The following SPECC1 variants were observed in gnomAD, a reference collection of about 807,000 sequenced individuals.
SPECC1 encodes sperm antigen with calponin homology and coiled-coil domains 1, also known as cytospin-B.
SPECC1 carries 62 observed loss-of-function variants against 104.1 expected under a neutral mutation model. The ratio of observed to expected loss-of-function variants is 0.60; its 90% CI spans 0.49 to 0.74. The LOEUF is 0.74. Ranked by LOEUF, SPECC1 falls within the 30% of genes least tolerant of loss-of-function variation. SPECC1 has a pLI of 0.00. For missense variants in SPECC1, 1,306 were observed against 1,310.5 expected (o/e 1.00, Z 0.05); for synonymous variants, 513 against 501.6 (o/e 1.02, Z -0.30).
At chr17:20,155,100 A>G (rs1477005597) in intron 3 of SPECC1, among the ~76,000 whole-genome samples, 1 of 152,192 alleles carries the variant, frequency 6.6e-6, no homozygotes, top group Non-Finnish European at 1.5e-5. Flanking sequence ...ATCAAAGACC[A>G]AGAGAGTATA....
chr17:20,034,095 C>CTTT (rs34012755), intron 1 of SPECC1, among the ~76,000 whole-genome samples: 6 of 144,840 alleles, frequency 4.1e-5, no homozygotes, highest in Non-Finnish European at 3.0e-5. Flanking sequence ...GTTTGATATT[C>CTTT]TTTTTTTTTT....
intron 3 of SPECC1, among the ~76,000 whole-genome samples, chr17:20,177,117 A>G (rs1460919085): frequency 6.6e-6 from 1 of 152,172 alleles, no homozygotes; most frequent in Non-Finnish European, 1.5e-5. Context: ...GAGGCCAGGG[A>G]AGTTTGGAAG....
At chr17:20,021,701 TA>T (rs200650282) in intron 1 of SPECC1, among the ~76,000 whole-genome samples, 9,431 of 94,466 alleles carry the variant, frequency 0.1, 391 homozygotes, top group Admixed American at 0.17. Context: ...TATATATATA[TA>T]TTTTTTTGTA....
At chr17:20,254,157 G>GTGTGTGTGTGTC (rs1384004841) in intron 10 of SPECC1, among the ~76,000 whole-genome samples, 1 of 151,622 alleles carries the variant, frequency 6.6e-6, no homozygotes, top group Non-Finnish European at 1.5e-5. Flanking sequence ...GTGTGTGTGT[G>GTGTGTGTGTGTC]TGTGTGTGTG....
intron 3 of SPECC1, among the ~76,000 whole-genome samples, chr17:20,156,470 C>A (rs954007644): frequency 6.6e-6 from 1 of 152,298 alleles, no homozygotes; most frequent in South Asian, 2.1e-4. Flanking sequence ...CCGGGGCCGC[C>A]GGGCAGGCAC....
At chr17:20,056,469 A>C (rs1390845824) in intron 1 of SPECC1, 1 of 205,920 alleles carries the variant, frequency 4.9e-6, no homozygotes, top group Non-Finnish European at 1.1e-5. Flanking sequence ...CCGCGATGAT[A>C]TGTGCAGAAA....
intron 9 of SPECC1, among the ~76,000 whole-genome samples, chr17:20,247,904 G>A (rs1248422225): frequency 6.6e-6 from 1 of 152,212 alleles, no homozygotes; most frequent in African/African-American, 2.4e-5. Flanking sequence ...GCTGGAGAAA[G>A]GTCTAGGCTG....
intron 12 of SPECC1, among the ~76,000 whole-genome samples, chr17:20,296,643 C>T (rs917325669): frequency 1.1e-4 from 17 of 152,136 alleles, no homozygotes; most frequent in African/African-American, 3.9e-4. Flanking sequence ...TTGATTCTTC[C>T]TATCCATGAG....
At chr17:20,218,459 G>A (rs1416203396) in intron 4 of SPECC1, among the ~76,000 whole-genome samples, 2 of 152,120 alleles carry the variant, frequency 1.3e-5, no homozygotes, top group East Asian at 3.8e-4. Context: ...AACCTGCAAT[G>A]ATCTATTTTG....
chr17:20,227,003 G>A (rs949650027), intron 4 of SPECC1, among the ~76,000 whole-genome samples: 3 of 150,830 alleles, frequency 2.0e-5, no homozygotes, highest in African/African-American at 7.4e-5. Context: ...CAGGGCCAGT[G>A]CCTCCCAGGG....
intron 3 of SPECC1, among the ~76,000 whole-genome samples, chr17:20,128,040 C>T (rs1289769140): frequency 6.6e-6 from 1 of 152,070 alleles, no homozygotes; most frequent in East Asian, 1.9e-4. Context: ...TAATGCTGTA[C>T]CTATAATGTA....
intron 2 of SPECC1, among the ~76,000 whole-genome samples, chr17:20,105,388 A>T (rs1342694200): frequency 6.6e-6 from 1 of 152,186 alleles, no homozygotes; most frequent in Non-Finnish European, 1.5e-5. Flanking sequence ...GAGGAACTGC[A>T]GCATCAGTAC....
chr17:20,141,828 T>C (rs1045463861), intron 3 of SPECC1, among the ~76,000 whole-genome samples: 1 of 152,248 alleles, frequency 6.6e-6, no homozygotes, highest in African/African-American at 2.4e-5. Flanking sequence ...ATGTGTGTGC[T>C]ATTTGCCTAA....
At chr17:20,079,850 G>A (rs2046898454) in intron 1 of SPECC1, among the ~76,000 whole-genome samples, 1 of 152,176 alleles carries the variant, frequency 6.6e-6, no homozygotes, top group Non-Finnish European at 1.5e-5. Flanking sequence ...CACAGAGGGA[G>A]GGATCCTTTC....
intron 1 of SPECC1, among the ~76,000 whole-genome samples, chr17:20,049,839 T>C (rs1324650458): frequency 5.3e-5 from 8 of 152,266 alleles, no homozygotes; most frequent in Admixed American, 2.6e-4. Flanking sequence ...ATTAATTTTT[T>C]TGAGTTGAAG....
At chr17:20,085,468 G>A (rs531482946) in intron 1 of SPECC1, among the ~76,000 whole-genome samples, 13 of 152,328 alleles carry the variant, frequency 8.5e-5, no homozygotes, top group African/African-American at 2.2e-4. Flanking sequence ...TGCAAGGAAC[G>A]TGTAATGACA....
intron 9 of SPECC1, among the ~76,000 whole-genome samples, chr17:20,252,125 TATC>T (rs1333651940): frequency 6.6e-6 from 1 of 152,200 alleles, no homozygotes; most frequent in Non-Finnish European, 1.5e-5. Context: ...CCTTGAATAA[TATC>T]ATGCTTACTT....
At chr17:20,286,785 T>TA (rs2040961793) in intron 12 of SPECC1, among the ~76,000 whole-genome samples, 1 of 152,208 alleles carries the variant, frequency 6.6e-6, no homozygotes, top group Non-Finnish European at 1.5e-5. Flanking sequence ...CCACAGACCT[T>TA]GCCTAGCTCC....
intron 3 of SPECC1, among the ~76,000 whole-genome samples, chr17:20,143,147 G>A (rs1311495359): frequency 6.7e-6 from 1 of 149,718 alleles, no homozygotes; most frequent in East Asian, 1.9e-4. Context: ...GAAACAACCA[G>A]TGTTTGCCAC....
Sources: allele counts gnomAD v4.1 joint callset (sites outside exome capture counted in the v4.1 genomes callset), GRCh38; gene constraint gnomAD v4.1.1; transcripts MANE v1.5; gene names NCBI Gene and HGNC (gene_info 2026-07-23, HGNC 2026-07-21).